UBE3C: variants seen among roughly 807,000 people sequenced by gnomAD.
The protein encoded by UBE3C is ubiquitin protein ligase E3C, also known as ubiquitin-protein ligase E3C.
In UBE3C, 42 loss-of-function variants were observed where a neutral mutation model predicts 129.4. The observed-to-expected ratio is 0.32, with a 90% CI of 0.25 to 0.42. The LOEUF is 0.42. UBE3C is among the 10% of genes least tolerant of loss of function. UBE3C has a pLI of 1.00. For synonymous variants in UBE3C, 510 were observed against 492.4 expected, an observed-to-expected ratio of 1.04 and a Z score of -0.47; for missense variants, 1,049 against 1,319.1, an observed-to-expected ratio of 0.80 and a Z score of 3.17.
chr7:157,142,339 G>C (rs1807476927), intron 1 of UBE3C, among the ~76,000 whole-genome samples: 4 of 151,888 alleles, frequency 2.6e-5, no homozygotes, highest in African/African-American at 9.7e-5. Context: ...AATACTTTTA[G>C]TATTTATTAT....
intron 18 of UBE3C, among the ~76,000 whole-genome samples, chr7:157,242,075 G>A (rs560737242): frequency 2.0e-5 from 3 of 152,278 alleles, no homozygotes; most frequent in Non-Finnish European, 2.9e-5. Flanking sequence ...TGATTGTGGC[G>A]ATGGTCATAC....
intron 5 of UBE3C, among the ~76,000 whole-genome samples, chr7:157,176,881 A>C (rs1044837777): frequency 1.3e-5 from 2 of 152,166 alleles, no homozygotes; most frequent in African/African-American, 2.4e-5. Flanking sequence ...CAAAATGTAA[A>C]TGTTAGAAAT....
Position 157,207,559 on chromosome 7 carries a change from A to C in UBE3C, c.1576+4A>C. On this transcript the variant is annotated splice_donor_region_variant and intron_variant, in intron 12 of 22. Transcript: ENST00000348165. ...TTCTTCGGTGATCCCATAGAAGGTA[A>C]GGATTTTGAGAAACCAGTTTGCTGC... is the stretch of plus-strand genomic sequence containing the variant. 1.2e-6 allele frequency: 2 copies of C among 1,606,858 alleles called. No individual in the cohort carries two copies. Among genetic ancestry groups the C allele is most frequent in the Non-Finnish European group, 1.7e-6 (2 of 1,178,288 alleles).
intron 11 of UBE3C, among the ~76,000 whole-genome samples, chr7:157,204,681 T>A (rs1359276848): frequency 1.3e-5 from 2 of 152,234 alleles, no homozygotes; most frequent in Admixed American, 1.3e-4. Context: ...TTTAGTTTCC[T>A]TCTTCTTGAA....
In UBE3C at chr7:157,248,353, T is replaced by G; in HGVS notation, c.2482-15T>G. ...GTATATTCGATGCTAACGTTGTCAC[T>G]GTTCTCTTTTGAAGGCTCTCTATGA... On this transcript the variant is annotated splice_polypyrimidine_tract_variant and intron_variant, in intron 18 of 22. Coordinates refer to ENST00000348165, the MANE Select transcript of UBE3C (RefSeq NM_014671.3). 6.2e-7 allele frequency: 1 copy of G among 1,609,536 alleles called. No homozygotes were observed. Among genetic ancestry groups the G allele is most frequent in the Non-Finnish European group, 8.5e-7 (1 of 1,178,196 alleles).
intron 17 of UBE3C, among the ~76,000 whole-genome samples, chr7:157,230,254 C>A (rs57553468): frequency 0.021 from 3,225 of 152,186 alleles, 103 homozygotes; most frequent in African/African-American, 0.074. Context: ...TAATTTTCCC[C>A]CCTTTTCAGC....
intron 18 of UBE3C, among the ~76,000 whole-genome samples, chr7:157,240,965 G>A (rs1011003089): frequency 6.6e-6 from 1 of 152,194 alleles, no homozygotes; most frequent in Non-Finnish European, 1.5e-5. Context: ...CTTGAATTAA[G>A]GGGCAGTGAC....
chr7:157,189,839 C>T (rs999428835), intron 10 of UBE3C, among the ~76,000 whole-genome samples: 8 of 152,112 alleles, frequency 5.3e-5, no homozygotes, highest in South Asian at 2.1e-4. Flanking sequence ...CTTGCCTTGT[C>T]GCCCAGGCTG....
chr7:157,262,006 A>G (rs1584831525), intron 22 of UBE3C, among the ~76,000 whole-genome samples: 1 of 152,238 alleles, frequency 6.6e-6, no homozygotes, highest in Non-Finnish European at 1.5e-5. Context: ...TGAAAGAAAC[A>G]CTAAAATGTG....
rs1223821219 is a variant in UBE3C at position 157,170,392 on chromosome 7, C to A, written c.284C>A (p.Thr95Asn). The stretch of plus-strand genomic sequence containing the variant: ...CCCATTGCTAATGGCCCCAACCTTA[C>A]CCTTTTGGTAAGGCAGCTTCTGTTT... Reference protein sequence around the residue: ...AFPIANGPNLTLLVRQLLFFY... With the variant: ...AFPIANGPNLNLLVRQLLFFY... The change falls in exon 4 of 23, where the codon ACC (threonine) becomes AAC (asparagine). Residue 95 changes from threonine to asparagine, a missense_variant. Physicochemically the swap from Thr to Asn is moderately conservative, Grantham distance 65. Transcript: ENST00000348165. The A allele has an allele frequency of 6.3e-7, 1 of 1,576,100 alleles. No homozygotes were observed. Among genetic ancestry groups the A allele is most frequent in the Non-Finnish European group, 8.6e-7 (1 of 1,163,218 alleles).
intron 22 of UBE3C, among the ~76,000 whole-genome samples, chr7:157,259,656 G>A (rs956002904): frequency 4.6e-5 from 7 of 152,126 alleles, no homozygotes; most frequent in African/African-American, 1.4e-4. Flanking sequence ...AATTCCACTC[G>A]GATAAACTGT....
At chr7:157,219,290 TTA>T (rs1412722697) in intron 14 of UBE3C, among the ~76,000 whole-genome samples, 1 of 152,196 alleles carries the variant, frequency 6.6e-6, no homozygotes, top group Non-Finnish European at 1.5e-5. Context: ...GCTTAGTGAT[TTA>T]ATTGATTTAT....
At chr7:157,262,185 GAATA>G (rs1796932649) in intron 22 of UBE3C, among the ~76,000 whole-genome samples, 1 of 151,950 alleles carries the variant, frequency 6.6e-6, no homozygotes, top group African/African-American at 2.4e-5. Flanking sequence ...TCAGAATGCT[GAATA>G]ATAAGTGTAA....
At position 157,153,843 on chromosome 7, in the gene UBE3C, A is replaced by AAAC. The variant is rs1563029799; in HGVS notation, c.67-9965_67-9964insCAA. Reference sequence around the variant, plus strand: ...AATACAAAACAAACAAACAAACAAAAAAACGGGCATGGTGGTATATGTACC... The same window carrying AAAC: ...AATACAAAACAAACAAACAAACAAAAAACAAACGGGCATGGTGGTATATGTACC... On this transcript the variant is annotated intron_variant, in intron 1 of 22. Coordinates refer to ENST00000348165, the MANE Select transcript of UBE3C (RefSeq NM_014671.3). Among the ~76,000 whole-genome samples the AAAC allele has an allele frequency of 3.9e-3, 506 of 128,222 alleles. 2 individuals carry two copies. Among genetic ancestry groups the AAAC allele is most frequent in the African/African-American group, 0.016 (472 of 28,934 alleles). 84.1% of individuals were successfully genotyped at this position (128,222 alleles called of 152,430 possible).
At chr7:157,266,815 A>G (rs976517522) in intron 22 of UBE3C, among the ~76,000 whole-genome samples, 12 of 151,960 alleles carry the variant, frequency 7.9e-5, no homozygotes, top group African/African-American at 2.7e-4. Flanking sequence ...TACCTCACTA[A>G]CCTCGACCTC....
chr7:157,235,703 A>T (rs1796135729), intron 18 of UBE3C, among the ~76,000 whole-genome samples: 1 of 152,252 alleles, frequency 6.6e-6, no homozygotes, highest in South Asian at 2.1e-4. Flanking sequence ...TAAAGTTTAG[A>T]CCAATAACAA....
intron 1 of UBE3C, among the ~76,000 whole-genome samples, chr7:157,150,856 G>A (rs142005425): frequency 1.3e-4 from 20 of 152,324 alleles, no homozygotes; most frequent in African/African-American, 4.1e-4. Flanking sequence ...AAAGCAATAC[G>A]TTTTTGTTAC....
chr7:157,198,163 A>G, intron 10 of UBE3C: 3 of 1,612,836 alleles, frequency 1.9e-6, no homozygotes, highest in Non-Finnish European at 2.5e-6. Flanking sequence ...AGTTTAAGCA[A>G]AATCTGAACA....
chr7:157,211,273 T>C (rs970150573), intron 13 of UBE3C, among the ~76,000 whole-genome samples: 2 of 151,894 alleles, frequency 1.3e-5, no homozygotes, highest in Non-Finnish European at 2.9e-5. Context: ...TTTTAAAAAG[T>C]AATAAAGCAA....
Sources: allele counts gnomAD v4.1 joint callset (sites outside exome capture counted in the v4.1 genomes callset), GRCh38; gene constraint gnomAD v4.1.1; transcripts MANE v1.5; gene names NCBI Gene and HGNC (gene_info 2026-07-23, HGNC 2026-07-21).